MREG: variants seen among roughly 807,000 people sequenced by gnomAD.
MREG encodes the protein melanoregulin.
MREG carries 31 observed loss-of-function variants against 28.5 expected under a neutral mutation model. That is an observed-to-expected ratio of 1.09 (90% CI 0.82 to 1.47). MREG has a LOEUF of 1.47. Ranked by LOEUF, MREG falls within the 40% of genes most tolerant of loss-of-function variation. The pLI, the probability that MREG is intolerant of heterozygous loss-of-function variation, is 0.00. For synonymous variants in MREG, 106 were observed against 95.2 expected (o/e 1.11, Z -0.66); for missense variants, 256 against 257.4 (o/e 0.99, Z 0.04).
chr2:215,994,589 GGAAGAAGAAGGA>G (rs1489632062), intron 2 of MREG, among the ~76,000 whole-genome samples: 7 of 149,356 alleles, frequency 4.7e-5, no homozygotes, highest in Middle Eastern at 3.4e-3. Context: ...AGGGAGAAGG[GGAAGAAGAAGGA>G]GAAGAAGAGG....
chr2:215,986,778 T>C (rs760306677), intron 2 of MREG, among the ~76,000 whole-genome samples: 4 of 152,206 alleles, frequency 2.6e-5, no homozygotes, highest in Admixed American at 6.5e-5. Context: ...TCTGCCATGA[T>C]TGTGAGGCCT....
At chr2:215,976,225 T>G (rs547337330) in intron 2 of MREG, among the ~76,000 whole-genome samples, 1 of 152,228 alleles carries the variant, frequency 6.6e-6, no homozygotes, top group Non-Finnish European at 1.5e-5. Context: ...CTTGAAACTC[T>G]ACCTTCCATT....
At chr2:215,988,578 G>C (rs777556116) in intron 2 of MREG, among the ~76,000 whole-genome samples, 2 of 152,184 alleles carry the variant, frequency 1.3e-5, no homozygotes, top group Non-Finnish European at 2.9e-5. Flanking sequence ...CTGAAGCCAA[G>C]AAACCAAAGG....
intron 2 of MREG, among the ~76,000 whole-genome samples, chr2:215,967,432 T>C (rs985481705): frequency 1.3e-5 from 2 of 152,242 alleles, no homozygotes; most frequent in East Asian, 3.8e-4. Flanking sequence ...GAGCACTGTT[T>C]AGCCATTTTT....
chr2:215,977,416 C>T (rs1342766401), intron 2 of MREG, among the ~76,000 whole-genome samples: 2 of 152,166 alleles, frequency 1.3e-5, no homozygotes, highest in African/African-American at 4.8e-5. Context: ...CTTAGACTCC[C>T]ACACAACAAT....
intron 2 of MREG, among the ~76,000 whole-genome samples, chr2:215,990,709 A>G (rs1242200964): frequency 1.3e-5 from 2 of 152,230 alleles, no homozygotes; most frequent in Non-Finnish European, 2.9e-5. Context: ...ATATTTACCA[A>G]GCAAATGGAA....
chr2:216,000,043 T>A (rs1404018934), intron 1 of MREG, among the ~76,000 whole-genome samples: 1 of 152,198 alleles, frequency 6.6e-6, no homozygotes, highest in Non-Finnish European at 1.5e-5. Flanking sequence ...GTCGATAACA[T>A]GAAAGATGCT....
downstream of MREG, among the ~76,000 whole-genome samples, chr2:215,941,333 G>A (rs1692194966): frequency 6.6e-6 from 1 of 152,176 alleles, no homozygotes; most frequent in Non-Finnish European, 1.5e-5. Context: ...GACTACCATT[G>A]GGTAGAGCCA....
intron 2 of MREG, among the ~76,000 whole-genome samples, chr2:215,951,905 T>C (rs1462432020): frequency 6.6e-6 from 1 of 152,200 alleles, no homozygotes; most frequent in Admixed American, 6.5e-5. Context: ...ATTTGATTCT[T>C]TAACCAGCAT....
intron 2 of MREG, among the ~76,000 whole-genome samples, chr2:215,951,554 G>A (rs558194609): frequency 6.6e-6 from 1 of 152,250 alleles, no homozygotes; most frequent in African/African-American, 2.4e-5. Context: ...CCGTGGCCCT[G>A]AACTTTAACA....
chr2:216,002,079 G>A (rs1384352778), intron 1 of MREG, among the ~76,000 whole-genome samples: 1 of 152,094 alleles, frequency 6.6e-6, no homozygotes, highest in Non-Finnish European at 1.5e-5. Flanking sequence ...GAAAGTGAGA[G>A]TGGTTGTGTT....
At chr2:216,033,786 G>A (rs1328972647), upstream of MREG, 1 of 152,364 alleles carries the variant, frequency 6.6e-6, no homozygotes, top group Non-Finnish European at 1.5e-5. Context: ...CAGAACGCAG[G>A]ACTGCCTCTC....
chr2:215,961,486 C>T (rs186559048), intron 2 of MREG, among the ~76,000 whole-genome samples: 72 of 152,190 alleles, frequency 4.7e-4, no homozygotes, highest in Non-Finnish European at 9.1e-4. Context: ...AGTGCAGTGG[C>T]GCAATGTTGG....
At chr2:215,996,201 T>A in intron 2 of MREG, 105 bp downstream of exon 2, 1 of 1,221,410 alleles carries the variant, frequency 8.2e-7, no homozygotes, top group Non-Finnish European at 1.1e-6. Flanking sequence ...TTTCAAACAT[T>A]TCATCCTTCA....
intron 2 of MREG, among the ~76,000 whole-genome samples, chr2:215,981,154 G>A (rs902047366): frequency 6.6e-6 from 1 of 151,898 alleles, no homozygotes; most frequent in African/African-American, 2.4e-5. Flanking sequence ...CCACTTCTAG[G>A]TATATGCCCA....
chr2:216,009,563 C>T (rs1038978138), intron 1 of MREG, among the ~76,000 whole-genome samples: 3 of 152,122 alleles, frequency 2.0e-5, no homozygotes, highest in South Asian at 2.1e-4. Flanking sequence ...AAGACCTGAG[C>T]GTCTTTCTCC....
chr2:215,986,408 T>A (rs1327092034), intron 2 of MREG, among the ~76,000 whole-genome samples: 1 of 152,228 alleles, frequency 6.6e-6, no homozygotes, highest in Non-Finnish European at 1.5e-5. Flanking sequence ...GAGTTTCCAA[T>A]GCCATTCAAT....
intron 2 of MREG, among the ~76,000 whole-genome samples, chr2:215,974,876 C>CT (rs1559183100): frequency 1.2e-4 from 17 of 137,764 alleles, no homozygotes; most frequent in African/African-American, 4.1e-4. Flanking sequence ...TCTCTCTCTC[C>CT]CTCTCTCCAC....
intron 2 of MREG, among the ~76,000 whole-genome samples, chr2:215,967,387 G>A (rs569628162): frequency 6.6e-6 from 1 of 152,306 alleles, no homozygotes; most frequent in South Asian, 2.1e-4. Flanking sequence ...GAAAATTATA[G>A]TGCATTTTTT....
Sources: gnomAD v4.1 joint callset for allele counts (sites outside exome capture counted in the v4.1 genomes callset) on GRCh38, gnomAD v4.1.1 for gene constraint, MANE v1.5 for transcripts, NCBI Gene and HGNC (gene_info 2026-07-23, HGNC 2026-07-21) for gene names.